Variants in RBMS1 observed in about 807,000 individuals in gnomAD.
RBMS1 encodes RNA-binding motif, single-stranded-interacting protein 1.
RBMS1 carries 17 observed loss-of-function variants against 62.3 expected under a neutral mutation model. That is an observed-to-expected ratio of 0.27 (90% CI 0.19 to 0.41). RBMS1 has a LOEUF of 0.41. RBMS1 is among the 10% of genes least tolerant of loss of function. The probability of loss-of-function intolerance (pLI) is 1.00; values close to 1 mark genes in which losing one functional copy is unlikely to be tolerated. For missense variants in RBMS1, 334 were observed against 504.5 expected, an observed-to-expected ratio of 0.66 and a Z score of 3.24; for synonymous variants, 172 against 170.0, an observed-to-expected ratio of 1.01 and a Z score of -0.09.
chr2:160,408,746 C>G (rs1695904321), intron 1 of RBMS1: 1 of 152,210 alleles, frequency 6.6e-6, no homozygotes, highest in South Asian at 2.1e-4. Context: ...CGTCCCTTTT[C>G]TCGACCACCT....
At chr2:160,290,708 T>C (rs1405720281) in intron 6 of RBMS1, among the ~76,000 whole-genome samples, 2 of 152,198 alleles carry the variant, frequency 1.3e-5, no homozygotes, top group East Asian at 1.9e-4. Context: ...AACTGCAGTG[T>C]TACCTTGAGC....
chr2:160,383,461 G>GT, intron 1 of RBMS1, among the ~76,000 whole-genome samples: 1 of 148,802 alleles, frequency 6.7e-6, no homozygotes, highest in East Asian at 2.1e-4. Flanking sequence ...ATTGGGGGGG[G>GT]GGGAACTGAC....
Position 160,358,514 on chromosome 2 carries a change from T to C in RBMS1, c.251+8702A>G, listed in dbSNP as rs1015602769. ...AGAAAATACTGTTATTAATATTTTA[T>C]GTATGGAGAATCTTCTAGATCAATG... is the stretch of plus-strand genomic sequence containing the variant. On this transcript the variant is annotated intron_variant, in intron 2 of 13. Transcript: ENST00000348849. Among the ~76,000 whole-genome samples, 5 of 152,142 alleles carry C rather than the reference T, an allele frequency of 3.3e-5. No individual in the cohort carries two copies. The East Asian group carries it at 7.7e-4, about 23-fold the overall frequency.
At chr2:160,443,981 T>C (rs1162082433) in intron 1 of RBMS1, among the ~76,000 whole-genome samples, 2 of 152,178 alleles carry the variant, frequency 1.3e-5, no homozygotes, top group East Asian at 3.9e-4. Flanking sequence ...TACTTAGCTT[T>C]CCCAGATACT....
chr2:160,451,504 A>T (rs1683990200), intron 1 of RBMS1, among the ~76,000 whole-genome samples: 1 of 152,238 alleles, frequency 6.6e-6, no homozygotes, highest in Non-Finnish European at 1.5e-5. Context: ...TCATTTTGGT[A>T]GTAAAATAAC....
At chr2:160,287,712 C>T (rs1574218984) in intron 6 of RBMS1, among the ~76,000 whole-genome samples, 1 of 152,172 alleles carries the variant, frequency 6.6e-6, no homozygotes, top group East Asian at 1.9e-4. Flanking sequence ...TTGCTTATTA[C>T]ATCTTGGTTG....
At chr2:160,308,284 A>G (rs1318904861) in intron 4 of RBMS1, among the ~76,000 whole-genome samples, 1 of 151,978 alleles carries the variant, frequency 6.6e-6, no homozygotes, top group African/African-American at 2.4e-5. Flanking sequence ...AGTCCCAGCT[A>G]CTCAGGAAGC....
At chr2:160,477,802 C>T (rs1440891452) in intron 1 of RBMS1, among the ~76,000 whole-genome samples, 1 of 152,162 alleles carries the variant, frequency 6.6e-6, no homozygotes, top group African/African-American at 2.4e-5. Flanking sequence ...TGAATGTATA[C>T]ATTTTTAACT....
intron 6 of RBMS1, among the ~76,000 whole-genome samples, chr2:160,299,064 G>A (rs936662393): frequency 3.3e-5 from 5 of 152,030 alleles, no homozygotes; most frequent in Non-Finnish European, 7.4e-5. Context: ...AATTTCTATT[G>A]TTTAAGCCAC....
intron 1 of RBMS1, among the ~76,000 whole-genome samples, chr2:160,436,228 G>A (rs1277345426): frequency 6.6e-6 from 1 of 152,196 alleles, no homozygotes; most frequent in Non-Finnish European, 1.5e-5. Context: ...ATAATGTGTA[G>A]TAGAGGTGAT....
intron 1 of RBMS1, among the ~76,000 whole-genome samples, chr2:160,487,569 TACA>T (rs1391453827): frequency 6.6e-6 from 1 of 152,208 alleles, no homozygotes; most frequent in Admixed American, 6.5e-5. Flanking sequence ...TCAGCAATTT[TACA>T]ACAACTACCA....
chr2:160,386,259 C>T lies in RBMS1; in HGVS notation c.76-18868G>A, dbSNP rs541029046. Among the ~76,000 whole-genome samples the T allele has an allele frequency of 1.1e-4, 17 of 152,304 alleles. No individual in the cohort carries two copies. In the East Asian group the frequency reaches 3.3e-3, roughly 29 times the overall value. On this transcript the variant is annotated intron_variant, in intron 1 of 13. Transcript: ENST00000348849. Reference sequence around the variant, plus strand: ...ATAGTATAGAAGGTGGGGCCTTGGCCAGGCACAGTGGCTCACGCCTGTAAT... The same window carrying T: ...ATAGTATAGAAGGTGGGGCCTTGGCTAGGCACAGTGGCTCACGCCTGTAAT...
intron 1 of RBMS1, among the ~76,000 whole-genome samples, chr2:160,384,230 T>G (rs952135650): frequency 6.6e-6 from 1 of 152,154 alleles, no homozygotes; most frequent in African/African-American, 2.4e-5. Context: ...AAACTTTAAA[T>G]GTCATTTTTT....
intron 2 of RBMS1, among the ~76,000 whole-genome samples, chr2:160,357,443 C>CT (rs1692862955): frequency 6.6e-6 from 1 of 152,040 alleles, no homozygotes; most frequent in African/African-American, 2.4e-5. Context: ...AATATCCATG[C>CT]TTACCAGCAG....
intron 1 of RBMS1, among the ~76,000 whole-genome samples, chr2:160,456,851 TCAATA>T (rs1225555626): frequency 1.3e-5 from 2 of 152,072 alleles, no homozygotes; most frequent in Non-Finnish European, 2.9e-5. Context: ...TCAGTTCAAT[TCAATA>T]CATTTTTCAC....
intron 7 of RBMS1, among the ~76,000 whole-genome samples, chr2:160,285,421 C>T (rs1201588982): frequency 6.6e-6 from 1 of 152,076 alleles, no homozygotes; most frequent in Admixed American, 6.6e-5. Context: ...CTATTTAAAA[C>T]TACATAAAAA....
At chr2:160,339,565 G>C (rs1190960177) in intron 2 of RBMS1, among the ~76,000 whole-genome samples, 8 of 152,114 alleles carry the variant, frequency 5.3e-5, no homozygotes, top group Admixed American at 5.2e-4. Context: ...ACACAAGAGT[G>C]TATTTATTAC....
chr2:160,451,548 T>TA (rs1479265881), intron 1 of RBMS1, among the ~76,000 whole-genome samples: 1 of 152,168 alleles, frequency 6.6e-6, no homozygotes, highest in Non-Finnish European at 1.5e-5. Context: ...CAAATCTACT[T>TA]AAACCCAATG....
chr2:160,435,395 A>T (rs779075038), intron 1 of RBMS1, among the ~76,000 whole-genome samples: 2 of 152,250 alleles, frequency 1.3e-5, no homozygotes, highest in Non-Finnish European at 2.9e-5. Flanking sequence ...TTTATAGATT[A>T]AAAGAAAGGC....
Sources: allele counts gnomAD v4.1 joint callset (sites outside exome capture counted in the v4.1 genomes callset), GRCh38; gene constraint gnomAD v4.1.1; transcripts MANE v1.5; gene names NCBI Gene and HGNC (gene_info 2026-07-23, HGNC 2026-07-21).